SLC25A42: variants seen among roughly 807,000 people sequenced by gnomAD.
SLC25A42 encodes the protein mitochondrial coenzyme A transporter SLC25A42.
A neutral mutation model predicts 34.7 loss-of-function variants in SLC25A42; 19 were observed. The observed-to-expected ratio is 0.55, with a 90% confidence interval of 0.38 to 0.80. The LOEUF (loss-of-function observed/expected upper bound fraction) is 0.80, where lower values mean the gene tolerates loss of function less well. SLC25A42 is among the 30% of genes least tolerant of loss of function. The probability of loss-of-function intolerance (pLI) is 0.00; values close to 1 mark genes in which losing one functional copy is unlikely to be tolerated. For missense variants in SLC25A42, 364 were observed against 441.3 expected, an observed-to-expected ratio of 0.82 and a Z score of 1.57; for synonymous variants, 205 against 191.2, an observed-to-expected ratio of 1.07 and a Z score of -0.59.
intron 2 of SLC25A42, among the ~76,000 whole-genome samples, chr19:19,097,848 A>C (rs1198611851): frequency 6.6e-6 from 1 of 152,108 alleles, no homozygotes; most frequent in East Asian, 1.9e-4. Context: ...CTGTAATCCC[A>C]GCTCCGCATG....
intron 1 of SLC25A42, among the ~76,000 whole-genome samples, chr19:19,092,250 GCGT>G (rs770186827): frequency 3.3e-5 from 5 of 152,178 alleles, no homozygotes; most frequent in Non-Finnish European, 7.4e-5. Context: ...TTTCCTAAAA[GCGT>G]CACATTCACA....
chr19:19,108,649 C>A (rs1208881133), intron 7 of SLC25A42, among the ~76,000 whole-genome samples: 1 of 152,058 alleles, frequency 6.6e-6, no homozygotes, highest in African/African-American at 2.4e-5. Flanking sequence ...ATGGGTAAAA[C>A]CCAGATGGAA....
chr19:19,089,581 C>T (rs931428196), intron 1 of SLC25A42, among the ~76,000 whole-genome samples: 9 of 148,450 alleles, frequency 6.1e-5, no homozygotes, highest in African/African-American at 2.2e-4. Flanking sequence ...AATCAGATTC[C>T]AGGCAGCCAG....
At chr19:19,106,003 T>A (rs1157322507) in intron 5 of SLC25A42, 2 of 556,018 alleles carry the variant, frequency 3.6e-6, no homozygotes, top group Non-Finnish European at 6.4e-6. Context: ...AGGGGCAGGT[T>A]ACTATGCCCC....
chr19:19,095,923 G>T (rs1321002130), intron 1 of SLC25A42, 168 bp from the exon 2 acceptor site: 7 of 678,928 alleles, frequency 1.0e-5, no homozygotes, highest in African/African-American at 1.8e-5. Context: ...AACAAGAAAG[G>T]CTTTTGTAAA....
chr19:19,101,858 C>G lies in SLC25A42; in HGVS notation c.159C>G (p.Pro53=). The change falls in exon 3 of 8, where the codon CCC becomes CCG. Residue 53 remains proline (P), a synonymous_variant. Coordinates refer to ENST00000318596, the MANE Select transcript of SLC25A42 (RefSeq NM_178526.5). ...CCCTTGCCAAAACAGCGGTAGCTCCCCTGGACCGAACCAAAATCATCTTCC... is the reference window on the plus strand; with the variant it reads ...CCCTTGCCAAAACAGCGGTAGCTCCGCTGGACCGAACCAAAATCATCTTCC... ...AGALAKTAVA[P]LDRTKIIFQV... is the part of the protein sequence containing the mutation. 6.2e-7 allele frequency: 1 copy of G among 1,613,474 alleles called. No individual in the cohort carries two copies. The highest frequency in any genetic ancestry group is 8.5e-7 in the Non-Finnish European group (1 of 1,179,722).
At chr19:19,103,425 G>A (rs531390175) in intron 3 of SLC25A42, among the ~76,000 whole-genome samples, 21 of 152,052 alleles carry the variant, frequency 1.4e-4, no homozygotes, top group Non-Finnish European at 2.2e-4. Context: ...ACACCAATTC[G>A]CATTTAGGGC....
intron 2 of SLC25A42, among the ~76,000 whole-genome samples, chr19:19,098,134 C>T (rs917652210): frequency 6.6e-6 from 1 of 152,188 alleles, no homozygotes; most frequent in Admixed American, 6.5e-5. Context: ...ATGCCTGCTC[C>T]CAGCTCTTTG....
intron 1 of SLC25A42, among the ~76,000 whole-genome samples, chr19:19,079,651 A>C (rs2059671518): frequency 6.6e-6 from 1 of 152,180 alleles, no homozygotes; most frequent in Non-Finnish European, 1.5e-5. Flanking sequence ...ATATCCATTC[A>C]TCTGTTGATG....
intron 6 of SLC25A42, 119 bp from the exon 7 acceptor site, chr19:19,107,775 C>A: frequency 2.1e-6 from 2 of 935,868 alleles, no homozygotes; most frequent in Non-Finnish European, 3.3e-6. Context: ...AGAAGGAAAA[C>A]ATCAACATCC....
chr19:19,111,186 C>A lies in SLC25A42; in HGVS notation c.*310C>A, dbSNP rs1443446921. On this transcript the variant is annotated 3_prime_UTR_variant, in exon 8 of 8. Coordinates refer to ENST00000318596, the MANE Select transcript of SLC25A42 (RefSeq NM_178526.5). ...CCCTAGTGGGGCGTGGTCAGCTCCA[C>A]CTCCTGATCCTGTGTGTCCTCCGAC... 9 of 437,234 alleles carry A rather than the reference C, an allele frequency of 2.1e-5. No individual in the cohort carries two copies. Among genetic ancestry groups the A allele is most frequent in the East Asian group, 4.9e-5 (1 of 20,472 alleles). The allele number at this position is 437,234 out of a possible 1,614,324, so 27.1% of individuals were successfully genotyped here. A position where few individuals can be genotyped will look rare whatever the true frequency, so the allele number is the denominator to read the frequency against.
Position 19,096,165 on chromosome 19 carries a change from A to C in SLC25A42, c.41A>C (p.Glu14Ala). ...GVKEGPVRLH[E>A]DAEAVLSSSV... ...AAGGAAGGCCCGGTGCGATTGCATG[A>C]GGATGCTGAGGCTGTCCTGTCCTCG... Residue 14 changes from glutamate to alanine, a missense_variant, in exon 2 of 8, where the codon GAG (glutamate) becomes GCG (alanine). Coordinates refer to ENST00000318596, the MANE Select transcript of SLC25A42 (RefSeq NM_178526.5). 2 of 1,613,174 alleles carry C rather than the reference A, an allele frequency of 1.2e-6. No homozygotes were observed. The highest frequency in any genetic ancestry group is 1.7e-6 in the Non-Finnish European group (2 of 1,179,964).
chr19:19,075,035 T>A (rs951573552), intron 1 of SLC25A42, among the ~76,000 whole-genome samples: 1 of 151,970 alleles, frequency 6.6e-6, no homozygotes, highest in Non-Finnish European at 1.5e-5. Flanking sequence ...ACACCCATAG[T>A]CCTAGCTACT....
chr19:19,064,442 C>A (rs373382773), intron 1 of SLC25A42, among the ~76,000 whole-genome samples: 95 of 138,544 alleles, frequency 6.9e-4, no homozygotes, highest in African/African-American at 2.4e-3. Context: ...CGCCCCCACT[C>A]ACGAACACCC....
chr19:19,110,497 G>A (rs2059857141), intron 7 of SLC25A42, 72 bp from the exon 8 acceptor site: 3 of 1,316,196 alleles, frequency 2.3e-6, no homozygotes, highest in South Asian at 1.8e-5. Context: ...GGGGTGCAAA[G>A]GCGCGCGCAC....
chr19:19,097,323 ATTCACC>A (rs1568519210), intron 2 of SLC25A42, among the ~76,000 whole-genome samples: 2 of 152,156 alleles, frequency 1.3e-5, no homozygotes, highest in African/African-American at 4.8e-5. Flanking sequence ...GGGAGGACTC[ATTCACC>A]GGGGTCACCA....
intron 2 of SLC25A42, 84 bp from the exon 3 acceptor site, chr19:19,101,697 G>T: frequency 1.6e-6 from 2 of 1,242,228 alleles, no homozygotes; most frequent in Non-Finnish European, 2.3e-6. Flanking sequence ...GGCCCAGAGG[G>T]TGTAAGGAAG....
chr19:19,093,127 C>T (rs2059746942), intron 1 of SLC25A42, among the ~76,000 whole-genome samples: 1 of 152,116 alleles, frequency 6.6e-6, no homozygotes, highest in Admixed American at 6.6e-5. Flanking sequence ...CTCAGGTGAC[C>T]TTCTCACCTC....
At chr19:19,094,723 G>A (rs531138317) in intron 1 of SLC25A42, among the ~76,000 whole-genome samples, 3 of 152,262 alleles carry the variant, frequency 2.0e-5, no homozygotes, top group South Asian at 4.1e-4. Flanking sequence ...GCAGTAATGC[G>A]TTTTCATTTA....
Sources: allele counts gnomAD v4.1 joint callset (sites outside exome capture counted in the v4.1 genomes callset), GRCh38; gene constraint gnomAD v4.1.1; transcripts MANE v1.5; gene names NCBI Gene and HGNC (gene_info 2026-07-23, HGNC 2026-07-21).